Variants in LGSN observed in about 807,000 individuals in gnomAD.
The protein encoded by LGSN is lengsin.
A neutral mutation model predicts 19.5 loss-of-function variants in LGSN; 21 were observed. The ratio of observed to expected loss-of-function variants is 1.07; its 90% CI spans 0.76 to 1.55. LGSN has a LOEUF of 1.55. Ranked by LOEUF, LGSN falls within the 40% of genes most tolerant of loss-of-function variation. The pLI, the probability that LGSN is intolerant of heterozygous loss-of-function variation, is 0.00. For missense variants in LGSN, 673 were observed against 608.5 expected (o/e 1.11, Z -1.12); for synonymous variants, 257 against 215.6 (o/e 1.19, Z -1.68).
At chr6:63,473,441 T>G in the LGSN span, among the ~76,000 whole-genome samples, 2,785 of 121,706 alleles carry the variant, frequency 0.023, 34 homozygotes, top group South Asian at 0.067. Context: ...GCCACTGCAC[T>G]CCAGCCTGGG....
chr6:63,393,783 CTCA>C, the LGSN span, among the ~76,000 whole-genome samples: 1 of 152,132 alleles, frequency 6.6e-6, no homozygotes, highest in Non-Finnish European at 1.5e-5. Flanking sequence ...TCTTAAACTC[CTCA>C]TGTGTGTCTG....
chr6:63,367,240 A>ATTTTT, the LGSN span, among the ~76,000 whole-genome samples: 11 of 152,222 alleles, frequency 7.2e-5, no homozygotes, highest in Admixed American at 6.5e-4. Context: ...TAACAAATTT[A>ATTTTT]CAAGAAAAAA....
At chr6:63,542,744 C>T in the LGSN span, among the ~76,000 whole-genome samples, 3 of 152,130 alleles carry the variant, frequency 2.0e-5, no homozygotes, top group Non-Finnish European at 2.9e-5. Flanking sequence ...CCAACCTCTC[C>T]GCTGACCTCT....
At chr6:63,464,624 T>G in the LGSN span, among the ~76,000 whole-genome samples, 3 of 151,554 alleles carry the variant, frequency 2.0e-5, no homozygotes, top group Admixed American at 1.3e-4. Context: ...AAAGAGGACA[T>G]TTAATTTATA....
the LGSN span, among the ~76,000 whole-genome samples, chr6:63,348,523 G>A: frequency 7.2e-5 from 11 of 152,016 alleles, no homozygotes; most frequent in South Asian, 6.2e-4. Flanking sequence ...CTCTTGGTGC[G>A]CATGGCATTC....
chr6:63,372,979 T>C, the LGSN span, among the ~76,000 whole-genome samples: 1 of 152,250 alleles, frequency 6.6e-6, no homozygotes, highest in Non-Finnish European at 1.5e-5. Context: ...ACTTTTGGGC[T>C]CAGTCTCATG....
the LGSN span, among the ~76,000 whole-genome samples, chr6:63,518,679 A>G: frequency 6.6e-6 from 1 of 152,244 alleles, no homozygotes; most frequent in Admixed American, 6.5e-5. Flanking sequence ...TCTTTCTAGC[A>G]AGCCATTCAG....
chr6:63,362,267 A>T, the LGSN span, among the ~76,000 whole-genome samples: 1 of 152,230 alleles, frequency 6.6e-6, no homozygotes. Context: ...AACTAGGAAC[A>T]TCTTCAGTCT....
chr6:63,344,388 A>T, the LGSN span, among the ~76,000 whole-genome samples: 1 of 152,224 alleles, frequency 6.6e-6, no homozygotes, highest in African/African-American at 2.4e-5. Context: ...AGGATATACC[A>T]AGATATTCTG....
the LGSN span, among the ~76,000 whole-genome samples, chr6:63,483,765 C>T: frequency 2.0e-5 from 3 of 151,912 alleles, no homozygotes; most frequent in African/African-American, 4.8e-5. Flanking sequence ...CATGGTCTTC[C>T]TTCTGTATCT....
chr6:63,313,375 A>C (rs1209910805), intron 1 of LGSN, among the ~76,000 whole-genome samples: 1 of 125,920 alleles, frequency 7.9e-6, no homozygotes, highest in Non-Finnish European at 1.8e-5. Flanking sequence ...TGTTTAGCCC[A>C]GGATCTACAC....
chr6:63,429,605 G>C, the LGSN span, among the ~76,000 whole-genome samples: 1 of 151,850 alleles, frequency 6.6e-6, no homozygotes, highest in Non-Finnish European at 1.5e-5. Context: ...GTGTGGTCGC[G>C]GGCGCCTGTA....
At chr6:63,286,041 A>ATT (rs1767525269) in intron 2 of LGSN, among the ~76,000 whole-genome samples, 1 of 152,134 alleles carries the variant, frequency 6.6e-6, no homozygotes, top group Non-Finnish European at 1.5e-5. Context: ...CTTACTGAAA[A>ATT]TCCCTTTGCT....
chr6:63,323,400 C>T (rs1447620006), upstream of LGSN, among the ~76,000 whole-genome samples: 1 of 152,032 alleles, frequency 6.6e-6, no homozygotes, highest in African/African-American at 2.4e-5. Context: ...CCACTCCACC[C>T]TTTTGAGTCT....
the LGSN span, among the ~76,000 whole-genome samples, chr6:63,493,574 T>C: frequency 2.0e-5 from 3 of 152,338 alleles, no homozygotes; most frequent in East Asian, 3.9e-4. Flanking sequence ...AGTTATTGTG[T>C]CCATCAGATC....
the LGSN span, among the ~76,000 whole-genome samples, chr6:63,470,572 A>G: frequency 6.6e-6 from 1 of 152,092 alleles, no homozygotes; most frequent in Non-Finnish European, 1.5e-5. Flanking sequence ...GAAAAAATTA[A>G]TGTGTAATGA....
At chr6:63,294,842 T>C in intron 2 of LGSN, 71 bp downstream of exon 2, 3 of 1,463,730 alleles carry the variant, frequency 2.0e-6, no homozygotes, top group Middle Eastern at 1.7e-4. Flanking sequence ...GAAGATGTTT[T>C]ATGAAAAGAA....
At chr6:63,562,753 A>G in the LGSN span, among the ~76,000 whole-genome samples, 11 of 152,370 alleles carry the variant, frequency 7.2e-5, 1 homozygote, top group Admixed American at 5.9e-4. Flanking sequence ...TACAACTTTT[A>G]GGAGTCCCGC....
chr6:63,315,918 T>A (rs1020047172), intron 1 of LGSN, among the ~76,000 whole-genome samples: 5 of 149,960 alleles, frequency 3.3e-5, no homozygotes, highest in African/African-American at 1.2e-4. Context: ...TTCAATAGTA[T>A]CTCTATCTTT....
Sources: allele counts gnomAD v4.1 joint callset (sites outside exome capture counted in the v4.1 genomes callset), GRCh38; gene constraint gnomAD v4.1.1; transcripts MANE v1.5; gene names NCBI Gene and HGNC (gene_info 2026-07-23, HGNC 2026-07-21).